TBC1D16: variants seen among roughly 807,000 people sequenced by gnomAD.
The protein encoded by TBC1D16 is TBC1 domain family member 16.
Under a neutral mutation model 74.7 loss-of-function variants are expected in TBC1D16, and 58 were observed. That is an observed-to-expected ratio of 0.78 (90% CI 0.63 to 0.97). TBC1D16 has a LOEUF of 0.97. Ranked by LOEUF, TBC1D16 falls within the 50% of genes least tolerant of loss-of-function variation. The pLI is 0.00. For synonymous variants in TBC1D16, 493 were observed against 474.7 expected, an observed-to-expected ratio of 1.04 and a Z score of -0.50; for missense variants, 1,014 against 1,079.5, an observed-to-expected ratio of 0.94 and a Z score of 0.85.
rs2034894000 is a variant in TBC1D16, at chr17:79,987,648, T to C, written c.779+22512A>G. Among the ~76,000 whole-genome samples the C allele has an allele frequency of 6.6e-6, 1 of 152,120 alleles. No homozygotes were observed. The highest frequency in any genetic ancestry group is 1.5e-5 in the Non-Finnish European group (1 of 68,004). Reference sequence around the variant, plus strand: ...GGGATGGGGGTAGGGAATGTCCCCATGAAGGTAGCCCCTGGCTGGGCATTT... The same window carrying C: ...GGGATGGGGGTAGGGAATGTCCCCACGAAGGTAGCCCCTGGCTGGGCATTT... On this transcript the variant is annotated intron_variant, in intron 3 of 11. Transcript: ENST00000310924. This position sits in a 1 kb window ranked among gnomAD's most constrained non-coding sequence, Gnocchi z 5.2.
rs1174200940 is a variant in TBC1D16 at position 79,942,122 on chromosome 17, G to A, written c.1993C>T (p.Gln665Ter). The A allele has an allele frequency of 6.2e-7, 1 of 1,611,938 alleles. No individual in the cohort carries two copies. Among genetic ancestry groups the A allele is most frequent in the Admixed American group, 1.7e-5 (1 of 59,914 alleles). ...AGGTTTCCGAAGTGCAGGAGCATCT[G>A]GTCCGTGGCCAGCTGCTGCTCGATG... The part of the protein sequence containing the change: ...DVIEQQLATD[Q>*]MLLHFGNLAM... The change falls in exon 11 of 12, where the codon CAG becomes TAG. Residue 665 changes from glutamine to a stop codon, truncating the protein, a stop_gained. Coordinates refer to ENST00000310924, the MANE Select transcript of TBC1D16 (RefSeq NM_019020.4). LOFTEE classifies it high-confidence loss of function.
Position 80,013,618 on chromosome 17 carries a change from G to A in TBC1D16, c.-62-9C>T. 2 of 1,408,950 alleles carry A rather than the reference G, an allele frequency of 1.4e-6. No homozygotes were observed. The highest frequency in any genetic ancestry group is 1.5e-5 in the South Asian group (1 of 66,760). The allele number at this position is 1,408,950 out of a possible 1,614,324, so 87.3% of individuals were successfully genotyped here. ...GGCTCGTCAAGACCTGCCTGGGGGA[G>A]GAAGAGAGAGGAGATGGTCAAGGTT... On this transcript the variant is annotated splice_polypyrimidine_tract_variant and intron_variant, in intron 1 of 11. Transcript: ENST00000310924.
chr17:80,028,880 G>T (rs571352612), intron 1 of TBC1D16, among the ~76,000 whole-genome samples: 1 of 152,020 alleles, frequency 6.6e-6, no homozygotes, highest in Non-Finnish European at 1.5e-5. Flanking sequence ...CCAAAGCGCC[G>T]GGATTACACG....
rs1447716979 is a variant in TBC1D16 at position 79,986,828 on chromosome 17, G to A, written c.779+23332C>T. Among the ~76,000 whole-genome samples the A allele has an allele frequency of 6.6e-6, 1 of 152,240 alleles. No individual in the cohort carries two copies. The highest frequency in any genetic ancestry group is 1.9e-4 in the East Asian group (1 of 5,188). ...CGATCAGGTCCACGGGAAGATGGGG[G>A]TGAACGAGAAGCCTGAGGCCGGGCC... On this transcript the variant is annotated intron_variant, in intron 3 of 11. Transcript: ENST00000310924. This position sits in a 1 kb window ranked among gnomAD's most constrained non-coding sequence, Gnocchi z 6.0.
At chr17:79,945,154 C>T in intron 9 of TBC1D16, 67 bp from the exon 10 acceptor site, 1 of 1,478,146 alleles carries the variant, frequency 6.8e-7, no homozygotes, top group Non-Finnish European at 9.0e-7. Flanking sequence ...AGGAAGCCCA[C>T]TCCCACTGGG....
At position 79,935,544 on chromosome 17, in the gene TBC1D16, G is replaced by C. The variant is rs1288528105; in HGVS notation, c.*5315C>G. On this transcript the variant is annotated 3_prime_UTR_variant, in exon 12 of 12. Coordinates refer to ENST00000310924, the MANE Select transcript of TBC1D16 (RefSeq NM_019020.4). ...GCAGGCTGCCCTTGGGCTGCCACGG[G>C]GCCCTGTTTGCCCAGCACAGAGCCT... 6.6e-6 allele frequency: 1 copy of C among 151,476 alleles called. No individual in the cohort carries two copies. The highest frequency in any genetic ancestry group is 1.9e-4 in the East Asian group (1 of 5,192). The allele number at this position is 151,476 out of a possible 1,614,324, so 9.4% of individuals were successfully genotyped here.
chr17:79,996,989 G>C (rs767041459), intron 3 of TBC1D16, among the ~76,000 whole-genome samples: 1 of 152,148 alleles, frequency 6.6e-6, no homozygotes, highest in South Asian at 2.1e-4. Flanking sequence ...AGGACAGCTT[G>C]GATAGAGCTT....
rs1049989746 is a variant in TBC1D16, at chr17:79,994,392, G to C, written c.779+15768C>G. 2.0e-5 allele frequency among the ~76,000 whole-genome samples: 3 copies of C among 152,070 alleles called. No individual in the cohort carries two copies. The highest frequency in any genetic ancestry group is 7.2e-5 in the African/African-American group (3 of 41,380). ...AGGAAGAGGGAGTCCATGAAGAAGG[G>C]CTGGCCAGAGAATATTTTGTTTTGT... On this transcript the variant is annotated intron_variant, in intron 3 of 11. Coordinates refer to ENST00000310924, the MANE Select transcript of TBC1D16 (RefSeq NM_019020.4). This position sits in a 1 kb window ranked among gnomAD's most constrained non-coding sequence, Gnocchi z 4.6.
At chr17:80,013,702 G>A in intron 1 of TBC1D16, 93 bp from the exon 2 acceptor site, 1 of 729,242 alleles carries the variant, frequency 1.4e-6, no homozygotes, top group Non-Finnish European at 2.2e-6. Context: ...GTGGGTTCTG[G>A]TTAACCACAG....
chr17:80,002,508 T>C (rs1378197111), intron 3 of TBC1D16, among the ~76,000 whole-genome samples: 2 of 152,196 alleles, frequency 1.3e-5, no homozygotes, highest in Non-Finnish European at 2.9e-5. Flanking sequence ...CCTTGTGCCA[T>C]CGCCCCCATG....
chr17:79,950,598 G>A lies in TBC1D16; in HGVS notation c.1090-20C>T. ...GACCTGCTGGACGGGAGGAAAACTG[G>A]GCAAAGGTCAGGATCTCAGCCGCGC... On this transcript the variant is annotated intron_variant, in intron 5 of 11. Transcript: ENST00000310924. The surrounding 1 kb of genome is among the most constrained non-coding windows in gnomAD (Gnocchi z 4.6). 6.2e-7 allele frequency: 1 copy of A among 1,608,782 alleles called. No individual in the cohort carries two copies. The highest frequency in any genetic ancestry group is 1.1e-5 in the South Asian group (1 of 89,692).
intron 3 of TBC1D16, among the ~76,000 whole-genome samples, chr17:80,003,832 T>C (rs963326827): frequency 4.6e-5 from 7 of 152,150 alleles, no homozygotes; most frequent in Admixed American, 4.6e-4. Context: ...GGAGGGTCAC[T>C]TGAGCCTAGG....
At chr17:79,957,682 G>A (rs74802654) in intron 3 of TBC1D16, among the ~76,000 whole-genome samples, 2,883 of 151,896 alleles carry the variant, frequency 0.019, 77 homozygotes, top group African/African-American at 0.051. Context: ...TGTGAATGCC[G>A]ACAAACTATA....
Position 79,942,990 on chromosome 17 carries a change from C to T in TBC1D16, c.1909-784G>A, listed in dbSNP as rs370448921. Reference sequence around the variant, plus strand: ...TCTCCGGCCTGGCCGCCTCAAGACACGCCACCTTTGATGCACACGCGCTTC... The same window carrying T: ...TCTCCGGCCTGGCCGCCTCAAGACATGCCACCTTTGATGCACACGCGCTTC... On this transcript the variant is annotated intron_variant, in intron 10 of 11. Coordinates refer to ENST00000310924, the MANE Select transcript of TBC1D16 (RefSeq NM_019020.4). Among the ~76,000 whole-genome samples the T allele has an allele frequency of 2.8e-4, 43 of 152,358 alleles. No individual in the cohort carries two copies. In the East Asian group the frequency reaches 5.2e-3, roughly 18 times the overall value.
intron 3 of TBC1D16, among the ~76,000 whole-genome samples, chr17:79,984,391 C>T (rs1355693155): frequency 6.6e-6 from 1 of 151,832 alleles, no homozygotes; most frequent in African/African-American, 2.4e-5. Flanking sequence ...ACTTAGGCAT[C>T]GGAAGCAAAA....
intron 1 of TBC1D16, among the ~76,000 whole-genome samples, chr17:80,032,450 A>G (rs2036807422): frequency 6.6e-6 from 1 of 152,168 alleles, no homozygotes; most frequent in African/African-American, 2.4e-5. Context: ...GATTTCTCTC[A>G]TCCTTTGAGG....
chr17:79,949,686 C>CG (rs762364095), intron 7 of TBC1D16, 31 bp downstream of exon 7: 10 of 1,582,496 alleles, frequency 6.3e-6, no homozygotes, highest in African/African-American at 1.3e-5. Context: ...CGCGGCTCGG[C>CG]GGGGTGGGCC....
At position 79,950,299 on chromosome 17, in the gene TBC1D16, G is replaced by C; in HGVS notation, c.1257+112C>G. 1 of 1,241,420 alleles carries C rather than the reference G, an allele frequency of 8.1e-7. No individual in the cohort carries two copies. The highest frequency in any genetic ancestry group is 1.1e-6 in the Non-Finnish European group (1 of 922,410). 76.9% of individuals were successfully genotyped at this position (1,241,420 alleles called of 1,614,324 possible). A position where few individuals can be genotyped will look rare whatever the true frequency, so the allele number is the denominator to read the frequency against. On this transcript the variant is annotated intron_variant, in intron 6 of 11. Transcript: ENST00000310924. This position sits in a 1 kb window ranked among gnomAD's most constrained non-coding sequence, Gnocchi z 4.6. ...CAAGAAAACGGGGCCCTCACGAGGAGGTGGCCCGTGGGTGCGGGCGGGCGG... is the reference window on the plus strand; with the variant it reads ...CAAGAAAACGGGGCCCTCACGAGGACGTGGCCCGTGGGTGCGGGCGGGCGG...
At position 79,944,039 on chromosome 17, in the gene TBC1D16, G is replaced by T. The variant is rs571839769; in HGVS notation, c.1908+869C>A. The T allele has an allele frequency of 2.5e-4, 380 of 1,535,812 alleles. 7 individuals carry two copies. The South Asian group carries it at 4.3e-3, about 17-fold the overall frequency. On this transcript the variant is annotated intron_variant, in intron 10 of 11. Transcript: ENST00000310924. This position sits in a 1 kb window ranked among gnomAD's most constrained non-coding sequence, Gnocchi z 7.7. ...CCGGGCCAGGGGCGAGCCGATGACC[G>T]CATGCAAAGGCGGCGTGTGGTACCG...
Sources: allele counts gnomAD v4.1 joint callset (sites outside exome capture counted in the v4.1 genomes callset), GRCh38; gene constraint gnomAD v4.1.1; non-coding constraint Gnocchi (gnomAD v3.1); transcripts MANE v1.5; gene names NCBI Gene and HGNC (gene_info 2026-07-23, HGNC 2026-07-21).